The following CACUL1 variants were observed in gnomAD, a reference collection of about 807,000 sequenced individuals.
CACUL1 encodes CDK2-associated and cullin domain-containing protein 1.
Under a neutral mutation model 45.2 loss-of-function variants are expected in CACUL1, and 13 were observed. That is an observed-to-expected ratio of 0.29 (90% CI 0.19 to 0.46). The LOEUF is 0.46. Ranked by LOEUF, CACUL1 falls within the 20% of genes least tolerant of loss-of-function variation. The pLI is 1.00. For missense variants in CACUL1, 421 were observed against 471.4 expected (o/e 0.89, Z 0.99); for synonymous variants, 197 against 174.2 (o/e 1.13, Z -1.03).
chr10:118,697,579 TA>T (rs1013148540), intron 5 of CACUL1, among the ~76,000 whole-genome samples: 5 of 152,388 alleles, frequency 3.3e-5, no homozygotes, highest in African/African-American at 1.2e-4. Flanking sequence ...TCCTCAGTGC[TA>T]CACACTTGCT....
chr10:118,707,601 C>G lies in CACUL1; in HGVS notation c.598-14G>C, dbSNP rs1466202652. The G allele has an allele frequency of 1.6e-6, 2 of 1,276,696 alleles. No homozygotes were observed. Among genetic ancestry groups the G allele is most frequent in the African/African-American group, 1.5e-5 (1 of 67,066 alleles). 79.1% of individuals were successfully genotyped at this position (1,276,696 alleles called of 1,614,324 possible). A position where few individuals can be genotyped will look rare whatever the true frequency, so the allele number is the denominator to read the frequency against. ...TGGAGGGCTGGCCTGTGAGAAAGAA[C>G]AGAAGTGTGATCAATCTGGGAAACC... is the stretch of plus-strand genomic sequence containing the variant. On this transcript the variant is annotated splice_polypyrimidine_tract_variant and intron_variant, in intron 3 of 8. Coordinates refer to ENST00000369151, the MANE Select transcript of CACUL1 (RefSeq NM_153810.5).
In CACUL1 at chr10:118,683,405, AAAG is replaced by A. The variant is rs1336051665; in HGVS notation, c.*2720_*2722del. 6.6e-6 allele frequency: 1 copy of A among 151,596 alleles called. No homozygotes were observed. The highest frequency in any genetic ancestry group is 1.5e-5 in the Non-Finnish European group (1 of 67,912). The allele number at this position is 151,596 out of a possible 1,614,324, so 9.4% of individuals were successfully genotyped here. A position where few individuals can be genotyped will look rare whatever the true frequency, so the allele number is the denominator to read the frequency against. Reference sequence around the variant, plus strand: ...GCAAGAATACAAAAAAAAAAAAAAAAAAGGCCAGGTGCAGTGGCTCACACCTAT... The same window carrying A: ...GCAAGAATACAAAAAAAAAAAAAAAAGCCAGGTGCAGTGGCTCACACCTAT... On this transcript the variant is annotated 3_prime_UTR_variant, in exon 9 of 9. Coordinates refer to ENST00000369151, the MANE Select transcript of CACUL1 (RefSeq NM_153810.5).
chr10:118,723,479 C>T (rs1845620607), intron 3 of CACUL1, among the ~76,000 whole-genome samples: 1 of 152,070 alleles, frequency 6.6e-6, no homozygotes, highest in South Asian at 2.1e-4. Flanking sequence ...CTTCTTCATT[C>T]CTACATATCT....
chr10:118,701,394 G>T lies in CACUL1; in HGVS notation c.708C>A (p.Ile236=), dbSNP rs190203369. 4.5e-6 allele frequency: 7 copies of T among 1,541,890 alleles called. No homozygotes were observed. The highest frequency in any genetic ancestry group is 1.4e-5 in the African/African-American group (1 of 73,368). ...PLFIYMNKFY[I]ETKLNRDLKD... is the part of the protein sequence containing the mutation. The stretch of plus-strand genomic sequence containing the variant: ...TTAAGTCTCTGTTAAGCTTGGTTTC[G>T]ATGTAAAACTTATTCTGAAAAATAA... Residue 236 remains isoleucine, a synonymous_variant, in exon 5 of 9, where the codon ATC becomes ATA. Coordinates refer to ENST00000369151, the MANE Select transcript of CACUL1 (RefSeq NM_153810.5).
chr10:118,703,779 A>G (rs961789037), intron 4 of CACUL1, among the ~76,000 whole-genome samples: 3 of 152,168 alleles, frequency 2.0e-5, no homozygotes, highest in Non-Finnish European at 2.9e-5. Flanking sequence ...GCGGAAAAAA[A>G]GTTATTTTAT....
At chr10:118,712,151 T>C (rs1275609405) in intron 3 of CACUL1, among the ~76,000 whole-genome samples, 2 of 152,366 alleles carry the variant, frequency 1.3e-5, no homozygotes, top group African/African-American at 4.8e-5. Flanking sequence ...GTTGTTTTTC[T>C]GGCCAGAAAC....
chr10:118,740,262 G>A (rs1845779838), intron 1 of CACUL1, among the ~76,000 whole-genome samples: 1 of 152,130 alleles, frequency 6.6e-6, no homozygotes, highest in Admixed American at 6.5e-5. Context: ...TACACTTTAG[G>A]CCCTTCCGTG....
chr10:118,744,158 G>A (rs773123771), intron 1 of CACUL1, among the ~76,000 whole-genome samples: 11 of 152,132 alleles, frequency 7.2e-5, no homozygotes, highest in Non-Finnish European at 1.6e-4. Context: ...GGCCGAGGAG[G>A]GTGGATCACC....
In CACUL1 at chr10:118,740,857, C is replaced by T. The variant is rs575728736; in HGVS notation, c.368-10447G>A. Among the ~76,000 whole-genome samples the T allele has an allele frequency of 4.4e-3, 656 of 150,386 alleles. 4 individuals are homozygous for T. Among genetic ancestry groups the T allele is most frequent in the African/African-American group, 0.014 (552 of 40,798 alleles). On this transcript the variant is annotated intron_variant, in intron 1 of 8. Coordinates refer to ENST00000369151, the MANE Select transcript of CACUL1 (RefSeq NM_153810.5). Reference sequence around the variant, plus strand: ...AGGAGAATAGCGTGAACCCGGGAGACGGAGCTTGCAGTGAGCCAAGATCGC... The same window carrying T: ...AGGAGAATAGCGTGAACCCGGGAGATGGAGCTTGCAGTGAGCCAAGATCGC...
rs1041725499 is a variant in CACUL1 at position 118,754,328 on chromosome 10, G to A, written c.367+68C>T. On this transcript the variant is annotated intron_variant, in intron 1 of 8. Transcript: ENST00000369151. ...ACAAAGGAAGCGGAGCTTTCTCCAA[G>A]AGGGGGTGGATTCGGCGTCCGAGTG... The A allele has an allele frequency of 1.1e-5, 16 of 1,434,872 alleles. No homozygotes were observed. In the African/African-American group the frequency reaches 1.5e-4, roughly 13 times the overall value. 88.9% of individuals were successfully genotyped at this position (1,434,872 alleles called of 1,614,324 possible). A position where few individuals can be genotyped will look rare whatever the true frequency, so the allele number is the denominator to read the frequency against.
At chr10:118,727,449 T>A (rs1845662428) in intron 3 of CACUL1, among the ~76,000 whole-genome samples, 1 of 151,860 alleles carries the variant, frequency 6.6e-6, no homozygotes, top group Non-Finnish European at 1.5e-5. Flanking sequence ...CACTCTGATT[T>A]ATGTTTTAAT....
intron 3 of CACUL1, among the ~76,000 whole-genome samples, chr10:118,716,776 G>C (rs1845550308): frequency 6.6e-6 from 1 of 152,000 alleles, no homozygotes; most frequent in Admixed American, 6.6e-5. Context: ...CTAATTTTTT[G>C]TATTTTTACT....
Position 118,754,730 on chromosome 10 carries a change from G to GCCC in CACUL1, c.30_32dup (p.Gly11dup). On this transcript the variant is annotated inframe_insertion, in exon 1 of 9. Transcript: ENST00000369151. ...GGTCGTCCATCATCGCCTCGTAGCT[G>GCCC]CCCCCCTCCTCCTCTTCCATGCTTT... 1.2e-6 allele frequency: 2 copies of GCCC among 1,601,486 alleles called. No homozygotes were observed. The highest frequency in any genetic ancestry group is 1.7e-6 in the Non-Finnish European group (2 of 1,175,298).
At chr10:118,699,727 C>G (rs751927233) in intron 5 of CACUL1, among the ~76,000 whole-genome samples, 2 of 152,064 alleles carry the variant, frequency 1.3e-5, no homozygotes, top group Non-Finnish European at 2.9e-5. Context: ...TCACTGCAAG[C>G]TCCGCATCCC....
At chr10:118,752,600 T>C (rs1275209357) in intron 1 of CACUL1, among the ~76,000 whole-genome samples, 1 of 152,214 alleles carries the variant, frequency 6.6e-6, no homozygotes, top group African/African-American at 2.4e-5. Flanking sequence ...TTTCTCTTCT[T>C]ACATGTCCTT....
chr10:118,705,103 T>C (rs184144352), intron 4 of CACUL1, among the ~76,000 whole-genome samples: 37 of 152,388 alleles, frequency 2.4e-4, no homozygotes, highest in African/African-American at 8.7e-4. Flanking sequence ...TTATCTTTTA[T>C]AAGTTTTACT....
intron 6 of CACUL1, 111 bp downstream of exon 6, chr10:118,695,030 C>G: frequency 1.5e-6 from 1 of 681,674 alleles, no homozygotes; most frequent in Non-Finnish European, 2.7e-6. Context: ...TTTTTTTGCT[C>G]CAGCAAATCC....
chr10:118,743,272 A>C (rs1013629926), intron 1 of CACUL1, among the ~76,000 whole-genome samples: 1 of 152,176 alleles, frequency 6.6e-6, no homozygotes, highest in African/African-American at 2.4e-5. Context: ...CATATGTGTA[A>C]CTAGTGGCAG....
rs1231010098 is a variant in CACUL1 at position 118,686,105 on chromosome 10, G to A, written c.*23C>T. On this transcript the variant is annotated 3_prime_UTR_variant, in exon 9 of 9. Coordinates refer to ENST00000369151, the MANE Select transcript of CACUL1 (RefSeq NM_153810.5). ...CTCCAGTGTGTCCTCTTTTCAGGAA[G>A]GAAAGCATATTCAATACATTCACTA... 6.3e-7 allele frequency: 1 copy of A among 1,595,934 alleles called. No individual in the cohort carries two copies. Among genetic ancestry groups the A allele is most frequent in the South Asian group, 1.1e-5 (1 of 90,712 alleles).
Sources: allele counts gnomAD v4.1 joint callset (sites outside exome capture counted in the v4.1 genomes callset), GRCh38; gene constraint gnomAD v4.1.1; transcripts MANE v1.5; gene names NCBI Gene and HGNC (gene_info 2026-07-23, HGNC 2026-07-21).